COL19A1: variants seen among roughly 807,000 people sequenced by gnomAD.
The protein encoded by COL19A1 is collagen type XIX alpha 1 chain.
Under a neutral mutation model 190.2 loss-of-function variants are expected in COL19A1, and 159 were observed. The observed-to-expected ratio is 0.84, with a 90% CI of 0.73 to 0.95. COL19A1 has a LOEUF of 0.95. Ranked by LOEUF, COL19A1 falls within the 40% of genes least tolerant of loss-of-function variation. The probability of loss-of-function intolerance (pLI) is 0.00; values close to 1 mark genes in which losing one functional copy is unlikely to be tolerated. For missense variants in COL19A1, 1,418 were observed against 1,431.9 expected, an observed-to-expected ratio of 0.99 and a Z score of 0.16; for synonymous variants, 509 against 458.9, an observed-to-expected ratio of 1.11 and a Z score of -1.39.
intron 9 of COL19A1, among the ~76,000 whole-genome samples, chr6:69,944,768 A>G (rs1032777834): frequency 1.3e-5 from 2 of 151,976 alleles, no homozygotes; most frequent in Admixed American, 1.3e-4. Flanking sequence ...CTCTCATGGA[A>G]TAATGCAGTT....
At chr6:69,992,738 C>T (rs536927086) in intron 11 of COL19A1, among the ~76,000 whole-genome samples, 11 of 151,926 alleles carry the variant, frequency 7.2e-5, no homozygotes, top group South Asian at 4.2e-4. Context: ...ACAGTGTTCT[C>T]GATTTGGCTC....
chr6:70,100,798 A>C (rs985747942), intron 15 of COL19A1, among the ~76,000 whole-genome samples: 10 of 152,086 alleles, frequency 6.6e-5, no homozygotes, highest in Non-Finnish European at 1.3e-4. Context: ...ATTTTTAAAA[A>C]ATTTTAAATC....
chr6:69,953,244 C>A (rs953357073), intron 9 of COL19A1, among the ~76,000 whole-genome samples: 1 of 151,854 alleles, frequency 6.6e-6, no homozygotes, highest in South Asian at 2.1e-4. Flanking sequence ...ACCTCTTAAG[C>A]AGAGAATCAC....
chr6:69,927,159 A>G (rs1392365065), intron 4 of COL19A1, among the ~76,000 whole-genome samples: 1 of 152,190 alleles, frequency 6.6e-6, no homozygotes, highest in Admixed American at 6.6e-5. Context: ...CTCAAATCCA[A>G]ACAATGACAT....
At chr6:69,929,837 C>T (rs993411754) in intron 6 of COL19A1, 137 bp downstream of exon 6, 6 of 802,630 alleles carry the variant, frequency 7.5e-6, no homozygotes, top group Non-Finnish European at 1.1e-5. Context: ...AATTTGCCGT[C>T]AGATGTGTGA....
intron 11 of COL19A1, among the ~76,000 whole-genome samples, chr6:70,021,195 C>G (rs1778396137): frequency 6.6e-6 from 1 of 152,032 alleles, no homozygotes; most frequent in South Asian, 2.1e-4. Context: ...CGGAGTTTTG[C>G]TAGGAATCAA....
intron 12 of COL19A1, among the ~76,000 whole-genome samples, chr6:70,030,420 C>T (rs533849050): frequency 6.6e-6 from 1 of 152,272 alleles, no homozygotes; most frequent in South Asian, 2.1e-4. Flanking sequence ...AAGACGTCAT[C>T]CTCCACTTGG....
At position 70,179,094 on chromosome 6, in the gene COL19A1, C is replaced by T. The variant is rs371997894; in HGVS notation, c.2668-1218C>T. Among the ~76,000 whole-genome samples the T allele has an allele frequency of 8.5e-5, 13 of 152,300 alleles. No individual in the cohort carries two copies. In the South Asian group the frequency reaches 2.7e-3, roughly 32 times the overall value. On this transcript the variant is annotated intron_variant, in intron 42 of 50. Transcript: ENST00000620364. ...CCTTCTCAGCTCTAACACATCTTCCCACTCAGGCCCCTAACAACTTCAGCA... is the reference window on the plus strand; with the variant it reads ...CCTTCTCAGCTCTAACACATCTTCCTACTCAGGCCCCTAACAACTTCAGCA...
chr6:70,156,204 T>C lies in COL19A1; in HGVS notation c.2157T>C (p.Pro719=). ...GAGAAGAAGGAGGTGCTGGTGAGCC[T>C]GGAAAGTATGATTCCATGGCCCGGA... ...NKGEEGGAGE[P]GKYDSMARKG... is the part of the protein sequence containing the mutation. Residue 719 remains proline (P), a synonymous_variant, in exon 32 of 51, where the codon CCT becomes CCC. Transcript: ENST00000620364. The C allele has an allele frequency of 6.2e-6, 10 of 1,613,372 alleles. No homozygotes were observed. Among genetic ancestry groups the C allele is most frequent in the South Asian group, 1.1e-5 (1 of 91,078 alleles).
chr6:70,074,498 CAAAAA>C (rs368408394), intron 15 of COL19A1, among the ~76,000 whole-genome samples: 1 of 97,190 alleles, frequency 1.0e-5, no homozygotes, highest in Non-Finnish European at 2.0e-5. Flanking sequence ...GACTCCACCT[CAAAAA>C]AAAAAAAAAA....
At chr6:70,044,831 CTTGCT>C (rs1254544363) in intron 14 of COL19A1, among the ~76,000 whole-genome samples, 2 of 152,110 alleles carry the variant, frequency 1.3e-5, no homozygotes, top group African/African-American at 4.8e-5. Flanking sequence ...CAATCTTACT[CTTGCT>C]TTGTTAATTT....
At chr6:69,993,495 T>C (rs1776735031) in intron 11 of COL19A1, among the ~76,000 whole-genome samples, 1 of 152,130 alleles carries the variant, frequency 6.6e-6, no homozygotes, top group African/African-American at 2.4e-5. Flanking sequence ...GAGGGGTCCC[T>C]CCACCTTAGT....
intron 14 of COL19A1, among the ~76,000 whole-genome samples, chr6:70,059,112 G>T (rs762458459): frequency 1.4e-4 from 21 of 151,960 alleles, no homozygotes; most frequent in Non-Finnish European, 2.9e-4. Flanking sequence ...CCTAGTAGTA[G>T]TTTAGAATTT....
chr6:70,147,474 T>G (rs1221184996), intron 27 of COL19A1, among the ~76,000 whole-genome samples: 1 of 152,162 alleles, frequency 6.6e-6, no homozygotes, highest in African/African-American at 2.4e-5. Flanking sequence ...TGTACAATTT[T>G]TATTTACTAT....
chr6:69,967,701 C>T (rs1160772209), intron 11 of COL19A1, among the ~76,000 whole-genome samples: 2 of 152,056 alleles, frequency 1.3e-5, no homozygotes, highest in African/African-American at 4.8e-5. Flanking sequence ...TCCTAAAATG[C>T]CATATGAGAT....
intron 4 of COL19A1, among the ~76,000 whole-genome samples, chr6:69,921,698 G>A (rs909147900): frequency 3.8e-4 from 55 of 143,986 alleles, no homozygotes; most frequent in African/African-American, 1.3e-3. Context: ...ATGTAGATTC[G>A]TATATATTCG....
intron 16 of COL19A1, among the ~76,000 whole-genome samples, chr6:70,110,862 C>A (rs1423515984): frequency 1.3e-5 from 2 of 152,116 alleles, no homozygotes; most frequent in Admixed American, 6.6e-5. Flanking sequence ...TTGAAACCAA[C>A]TATTAAGACA....
intron 30 of COL19A1, among the ~76,000 whole-genome samples, chr6:70,150,952 C>T (rs758043623): frequency 6.6e-5 from 10 of 152,124 alleles, no homozygotes; most frequent in Non-Finnish European, 1.2e-4. Context: ...GTTCTTTGAA[C>T]TTCCATGAGA....
intron 15 of COL19A1, among the ~76,000 whole-genome samples, chr6:70,100,865 A>G (rs1341114730): frequency 6.6e-6 from 1 of 152,196 alleles, no homozygotes; most frequent in Non-Finnish European, 1.5e-5. Flanking sequence ...TTTCATATAA[A>G]GTCTTTGATG....
Sources: gnomAD v4.1 joint callset for allele counts (sites outside exome capture counted in the v4.1 genomes callset) on GRCh38, gnomAD v4.1.1 for gene constraint, MANE v1.5 for transcripts, NCBI Gene and HGNC (gene_info 2026-07-23, HGNC 2026-07-21) for gene names.